The following LMCD1 variants were observed in gnomAD, a reference collection of about 807,000 sequenced individuals.
LMCD1 encodes the protein LIM and cysteine rich domains 1.
In LMCD1, 32 loss-of-function variants were observed where a neutral mutation model predicts 42.7. The ratio of observed to expected loss-of-function variants is 0.75; its 90% confidence interval spans 0.57 to 1.01. The LOEUF is 1.01. Among genes scored for constraint, LMCD1 ranks in the 50% least tolerant of loss-of-function variants. The probability of loss-of-function intolerance (pLI) is 0.00; values close to 1 mark genes in which losing one functional copy is unlikely to be tolerated. For missense variants in LMCD1, 458 were observed against 483.1 expected (o/e 0.95, Z 0.49); for synonymous variants, 178 against 184.9 (o/e 0.96, Z 0.30).
intron 4 of LMCD1, 49 bp downstream of exon 4, chr3:8,548,952 G>T: frequency 7.2e-7 from 1 of 1,380,244 alleles, no homozygotes; most frequent in South Asian, 1.6e-5. Context: ...GCAGGCCCAG[G>T]GCTGGACAGT....
At chr3:8,561,657 C>T (rs1695039643) in intron 4 of LMCD1, among the ~76,000 whole-genome samples, 2 of 152,174 alleles carry the variant, frequency 1.3e-5, no homozygotes, top group African/African-American at 4.8e-5. Flanking sequence ...ATCAGCTGTG[C>T]ATTACTGAGC....
chr3:8,531,072 T>C (rs566338412), intron 1 of LMCD1, among the ~76,000 whole-genome samples: 2 of 152,322 alleles, frequency 1.3e-5, no homozygotes, highest in African/African-American at 4.8e-5. Flanking sequence ...GATTTGGTGC[T>C]GAAGAGAAGT....
chr3:8,548,953 G>A (rs541200411), intron 4 of LMCD1, 50 bp downstream of exon 4: 2 of 1,378,286 alleles, frequency 1.5e-6, no homozygotes, highest in African/African-American at 1.5e-5. Context: ...CAGGCCCAGG[G>A]CTGGACAGTC....
At chr3:8,510,179 C>T (rs766636854) in intron 1 of LMCD1, among the ~76,000 whole-genome samples, 3 of 152,148 alleles carry the variant, frequency 2.0e-5, no homozygotes, top group Non-Finnish European at 2.9e-5. Context: ...GGCTGACCAT[C>T]GAGGTGACTG....
At chr3:8,551,894 T>C (rs1694845796) in intron 4 of LMCD1, among the ~76,000 whole-genome samples, 1 of 152,222 alleles carries the variant, frequency 6.6e-6, no homozygotes, top group Non-Finnish European at 1.5e-5. Context: ...GCCTGACTTC[T>C]GCTCCCCTGG....
At chr3:8,561,381 G>T (rs1695031775) in intron 4 of LMCD1, among the ~76,000 whole-genome samples, 1 of 144,622 alleles carries the variant, frequency 6.9e-6, no homozygotes, top group Non-Finnish European at 1.5e-5. Flanking sequence ...TGAGCACAGA[G>T]TTTTTTTTTT....
At chr3:8,533,523 A>G (rs1166481364) in intron 2 of LMCD1, among the ~76,000 whole-genome samples, 1 of 152,144 alleles carries the variant, frequency 6.6e-6, no homozygotes, top group Non-Finnish European at 1.5e-5. Context: ...TGTGGAGCAC[A>G]TAGCAAAGAA....
intron 4 of LMCD1, among the ~76,000 whole-genome samples, chr3:8,557,692 C>G (rs1042696287): frequency 6.6e-6 from 1 of 152,180 alleles, no homozygotes; most frequent in Non-Finnish European, 1.5e-5. Context: ...TTTCAGAAAC[C>G]TTAATAATTC....
rs746259485 is a variant in LMCD1 at position 8,537,350 on chromosome 3, G to A, written c.297G>A (p.Met99Ile). The change falls in exon 3 of 6, where the codon ATG becomes ATA. Residue 99 changes from methionine (M) to isoleucine (I), a missense_variant. Transcript: ENST00000157600. ...TCCGGATTTACAAGAGGAACCGGAT[G>A]ATCATGACCAACCCTATTGCTACTG... ...DGIRIYKRNR[M>I]IMTNPIATGK... 6.2e-7 allele frequency: 1 copy of A among 1,614,178 alleles called. No homozygotes were observed. The highest frequency in any genetic ancestry group is 8.5e-7 in the Non-Finnish European group (1 of 1,180,020).
At chr3:8,526,512 G>A (rs573578193) in intron 1 of LMCD1, among the ~76,000 whole-genome samples, 1 of 152,230 alleles carries the variant, frequency 6.6e-6, no homozygotes, top group African/African-American at 2.4e-5. Flanking sequence ...TTACCCTTCA[G>A]TTAACTCATA....
chr3:8,509,020 T>G (rs1693940924), intron 1 of LMCD1, among the ~76,000 whole-genome samples: 1 of 152,244 alleles, frequency 6.6e-6, no homozygotes, highest in African/African-American at 2.4e-5. Flanking sequence ...GCCAAGTTAC[T>G]GATCCTCTCT....
At chr3:8,559,991 C>T (rs184533256) in intron 4 of LMCD1, among the ~76,000 whole-genome samples, 3 of 152,210 alleles carry the variant, frequency 2.0e-5, no homozygotes, top group Admixed American at 6.5e-5. Flanking sequence ...TGCTTTCCAA[C>T]GGATGAGAAG....
chr3:8,512,408 G>A (rs1055783202), intron 1 of LMCD1, among the ~76,000 whole-genome samples: 1 of 152,200 alleles, frequency 6.6e-6, no homozygotes, highest in African/African-American at 2.4e-5. Flanking sequence ...GATTGTCCTT[G>A]ATTTTTGTCA....
intron 4 of LMCD1, chr3:8,551,179 G>A (rs916326273): frequency 1.3e-5 from 13 of 985,216 alleles, no homozygotes; most frequent in Non-Finnish European, 1.4e-5. Flanking sequence ...TTAGTGAATC[G>A]ATGTCTGTCA....
intron 3 of LMCD1, chr3:8,537,657 T>G (rs1379724074): frequency 4.2e-6 from 2 of 473,462 alleles, no homozygotes. Flanking sequence ...TGGGTAGAGG[T>G]GTTCATATGG....
chr3:8,553,033 G>A (rs1308775505), intron 4 of LMCD1, among the ~76,000 whole-genome samples: 1 of 152,198 alleles, frequency 6.6e-6, no homozygotes, highest in East Asian at 1.9e-4. Context: ...ATTACCCCAA[G>A]CGAGCCCACC....
chr3:8,548,962 T>C (rs1399688133), intron 4 of LMCD1, 59 bp downstream of exon 4: 3 of 1,296,184 alleles, frequency 2.3e-6, no homozygotes, highest in Non-Finnish European at 3.1e-6. Flanking sequence ...GGCTGGACAG[T>C]CAGGGCCCCA....
intron 1 of LMCD1, among the ~76,000 whole-genome samples, chr3:8,528,729 C>T (rs992123941): frequency 2.1e-4 from 32 of 152,124 alleles, no homozygotes; most frequent in Admixed American, 1.2e-3. Flanking sequence ...TTACATTCCT[C>T]TTCCTCTCAA....
At chr3:8,517,159 T>C (rs1694116245) in intron 1 of LMCD1, among the ~76,000 whole-genome samples, 1 of 152,284 alleles carries the variant, frequency 6.6e-6, no homozygotes, top group South Asian at 2.1e-4. Context: ...TGTATGAAAA[T>C]CTGAAATGCT....
Sources: gnomAD v4.1 joint callset for allele counts (sites outside exome capture counted in the v4.1 genomes callset) on GRCh38, gnomAD v4.1.1 for gene constraint, MANE v1.5 for transcripts, NCBI Gene and HGNC (gene_info 2026-07-23, HGNC 2026-07-21) for gene names.